SDS: variants seen among roughly 807,000 people sequenced by gnomAD.
SDS encodes the protein serine dehydratase.
SDS carries 19 observed loss-of-function variants against 29.3 expected under a neutral mutation model. The observed-to-expected ratio is 0.65, with a 90% CI of 0.45 to 0.95. SDS has a LOEUF of 0.95. Ranked by LOEUF, SDS falls within the 40% of genes least tolerant of loss-of-function variation. The pLI, the probability that SDS is intolerant of heterozygous loss-of-function variation, is 0.00. For missense variants in SDS, 375 were observed against 439.9 expected (o/e 0.85, Z 1.32); for synonymous variants, 176 against 189.0 (o/e 0.93, Z 0.56).
chr12:113,401,842 C>T (rs1957686139), intron 1 of SDS, among the ~76,000 whole-genome samples: 1 of 152,136 alleles, frequency 6.6e-6, no homozygotes, highest in South Asian at 2.1e-4. Context: ...TGATTCTCCT[C>T]AACTTGGGCC....
At chr12:113,394,069 G>C in intron 6 of SDS, 53 bp from the exon 7 acceptor site, 1 of 1,578,546 alleles carries the variant, frequency 6.3e-7, no homozygotes, top group South Asian at 1.1e-5. Flanking sequence ...ACAGGAGAGA[G>C]ATGGGGGCAG....
chr12:113,397,121 C>G (rs1313291707), intron 6 of SDS, 44 bp downstream of exon 6: 4 of 1,544,272 alleles, frequency 2.6e-6, no homozygotes, highest in Non-Finnish European at 2.7e-6. Flanking sequence ...GGGGGACTCC[C>G]CAGTGCTTGC....
In SDS at chr12:113,399,619, C is replaced by T. The variant is rs1183262041; in HGVS notation, c.90G>A (p.Lys30=). ...SKMAGTSVYL[K]MDSAQPSGSF... ...AGCCGGAGGGCTGGGCACTGTCCAT[C>T]TTGAGGTAGACGCTGGTGCCGGCCA... is the stretch of plus-strand genomic sequence containing the variant. Residue 30 remains lysine (K), a synonymous_variant, in exon 2 of 8, where the codon AAG becomes AAA. Transcript: ENST00000257549. The T allele has an allele frequency of 1.9e-6, 3 of 1,602,678 alleles. No individual in the cohort carries two copies. The highest frequency in any genetic ancestry group is 2.6e-6 in the Non-Finnish European group (3 of 1,176,240).
intron 1 of SDS, among the ~76,000 whole-genome samples, chr12:113,403,483 C>T (rs1957698872): frequency 6.6e-6 from 1 of 151,774 alleles, no homozygotes; most frequent in South Asian, 2.1e-4. Context: ...CAGATTGTGC[C>T]ATTGCACTTC....
At chr12:113,400,180 C>T (rs554601757) in intron 1 of SDS, among the ~76,000 whole-genome samples, 6 of 152,104 alleles carry the variant, frequency 3.9e-5, no homozygotes, top group Non-Finnish European at 7.3e-5. Flanking sequence ...GTAACCCCAG[C>T]TACTTAGGAG....
Position 113,392,770 on chromosome 12 carries a change from C to T in SDS, c.*171G>A, listed in dbSNP as rs1957618572. On this transcript the variant is annotated 3_prime_UTR_variant, in exon 8 of 8. Coordinates refer to ENST00000257549, the MANE Select transcript of SDS (RefSeq NM_006843.3). The stretch of plus-strand genomic sequence containing the variant: ...ACCAAAAAGGTCCAATTCATAGCCT[C>T]GCTGGCTGCCGACCTTTGGCCTCTG... 4 of 712,508 alleles carry T rather than the reference C, an allele frequency of 5.6e-6. No homozygotes were observed. Among genetic ancestry groups the T allele is most frequent in the African/African-American group, 3.6e-5 (2 of 56,274 alleles). The allele number at this position is 712,508 out of a possible 1,614,324, so 44.1% of individuals were successfully genotyped here. A position where few individuals can be genotyped will look rare whatever the true frequency, so the allele number is the denominator to read the frequency against.
At position 113,392,932 on chromosome 12, in the gene SDS, G is replaced by T. The variant is rs1017798463; in HGVS notation, c.*9C>A. 1.2e-6 allele frequency: 2 copies of T among 1,613,294 alleles called. No individual in the cohort carries two copies. Among genetic ancestry groups the T allele is most frequent in the Admixed American group, 1.7e-5 (1 of 59,978 alleles). The stretch of plus-strand genomic sequence containing the variant: ...GCTAGGAGAGCACAGATCGGTAAGG[G>T]GTCCGTCCTCACTTGGGCAACCTAT... On this transcript the variant is annotated 3_prime_UTR_variant, in exon 8 of 8. Coordinates refer to ENST00000257549, the MANE Select transcript of SDS (RefSeq NM_006843.3).
chr12:113,403,553 TG>T (rs200472962), intron 1 of SDS, among the ~76,000 whole-genome samples: 14 of 151,394 alleles, frequency 9.2e-5, no homozygotes, highest in South Asian at 6.3e-4. Flanking sequence ...TTGTAGAGAT[TG>T]GGGGGGGTCT....
chr12:113,398,109 T>C (rs1957659830), intron 5 of SDS, among the ~76,000 whole-genome samples: 1 of 150,944 alleles, frequency 6.6e-6, no homozygotes, highest in Non-Finnish European at 1.5e-5. Flanking sequence ...CTCACTCTCT[T>C]GCCCAGGCTG....
chr12:113,398,843 C>G lies in SDS; in HGVS notation c.197G>C (p.Gly66Ala), dbSNP rs1020608187. 4 of 1,603,176 alleles carry G rather than the reference C, an allele frequency of 2.5e-6. No individual in the cohort carries two copies. The Admixed American group carries it at 5.2e-5, about 21-fold the overall frequency. Residue 66 changes from glycine to alanine, a missense_variant, in exon 4 of 8, where the codon GGC (glycine) becomes GCC (alanine). Gly to Ala is a moderately conservative substitution (Grantham distance 60). Coordinates refer to ENST00000257549, the MANE Select transcript of SDS (RefSeq NM_006843.3). ...GCAHFVCSSA[G>A]NAGMAAAYAA... ...ATATGCAGCCGCCATGCCTGCGTTG[C>G]CCGCTGCCAGGGTCGGGGGTGGAGA...
chr12:113,399,517 T>A, intron 2 of SDS, 39 bp downstream of exon 2: 1 of 1,502,244 alleles, frequency 6.7e-7, no homozygotes, highest in Non-Finnish European at 8.8e-7. Flanking sequence ...AAGGAGGACC[T>A]GCCACCCCTG....
intron 4 of SDS, 26 bp downstream of exon 4, chr12:113,398,681 C>G (rs1957664333): frequency 6.2e-7 from 1 of 1,611,468 alleles, no homozygotes; most frequent in African/African-American, 1.3e-5. Context: ...CGCCCTCTCT[C>G]TTCCTTGCCC....
chr12:113,399,930 C>T (rs1420669619), intron 1 of SDS, among the ~76,000 whole-genome samples: 1 of 152,246 alleles, frequency 6.6e-6, no homozygotes, highest in African/African-American at 2.4e-5. Context: ...GGATCACCCT[C>T]CACTCCTGAC....
rs927073372 is a variant in SDS, at chr12:113,399,114, G to A, written c.191C>T (p.Ser64Leu). 10 of 1,613,852 alleles carry A rather than the reference G, an allele frequency of 6.2e-6. No individual in the cohort carries two copies. Among genetic ancestry groups the A allele is most frequent in the Admixed American group, 1.7e-5 (1 of 59,990 alleles). ...KQGCAHFVCS[S>L]AGNAGMAAAY... ...GGATGGGGAAGCAGATCACTTACCCGAGGAGCAGACAAAATGTGCACAGCC... is the reference window on the plus strand; with the variant it reads ...GGATGGGGAAGCAGATCACTTACCCAAGGAGCAGACAAAATGTGCACAGCC... The change falls in exon 3 of 8, where the codon TCG becomes TTG. Residue 64 changes from serine to leucine, a missense_variant and splice_region_variant. Transcript: ENST00000257549.
At chr12:113,397,908 A>T (rs571503308) in intron 5 of SDS, among the ~76,000 whole-genome samples, 41 of 152,184 alleles carry the variant, frequency 2.7e-4, no homozygotes, top group African/African-American at 9.4e-4. Flanking sequence ...TTTGTCCCCA[A>T]GTCTGCTTCC....
At chr12:113,398,076 TG>T (rs1957659536) in intron 5 of SDS, among the ~76,000 whole-genome samples, 2 of 150,174 alleles carry the variant, frequency 1.3e-5, no homozygotes, top group African/African-American at 2.5e-5. Context: ...TTTTTTTTTT[TG>T]TTTTTTTTTT....
chr12:113,399,434 C>A, intron 2 of SDS, 122 bp downstream of exon 2: 1 of 1,218,792 alleles, frequency 8.2e-7, no homozygotes, highest in Non-Finnish European at 1.1e-6. Context: ...GACGCTCAGT[C>A]CTTGCGGGGA....
At position 113,399,183 on chromosome 12, in the gene SDS, C is replaced by G. The variant is rs767741417; in HGVS notation, c.154-32G>C. On this transcript the variant is annotated intron_variant, in intron 2 of 7. Coordinates refer to ENST00000257549, the MANE Select transcript of SDS (RefSeq NM_006843.3). The stretch of plus-strand genomic sequence containing the variant: ...AGACAACAGGAGAGGCACTCAGGCC[C>G]ACCTCCCAGTCATTGCCTGTGCTCT... 3.7e-6 allele frequency: 6 copies of G among 1,611,802 alleles called. No individual in the cohort carries two copies. The African/African-American group carries it at 8.0e-5, about 22-fold the overall frequency.
At chr12:113,399,754 C>T in intron 1 of SDS, 44 bp from the exon 2 acceptor site, 1 of 1,464,476 alleles carries the variant, frequency 6.8e-7, no homozygotes, top group Non-Finnish European at 9.1e-7. Flanking sequence ...AGAGCTAGCC[C>T]CGGTGCCAGC....
Sources: gnomAD v4.1 joint callset for allele counts (sites outside exome capture counted in the v4.1 genomes callset) on GRCh38, gnomAD v4.1.1 for gene constraint, MANE v1.5 for transcripts, NCBI Gene and HGNC (gene_info 2026-07-23, HGNC 2026-07-21) for gene names.